Variants in TOX observed in about 807,000 individuals in gnomAD.
The protein encoded by TOX is thymocyte selection-associated high mobility group box protein TOX.
A neutral mutation model predicts 53.7 loss-of-function variants in TOX; 11 were observed. That is an observed-to-expected ratio of 0.20 (90% confidence interval 0.13 to 0.34). The LOEUF is 0.34. Among genes scored for constraint, TOX ranks in the 10% least tolerant of loss-of-function variants. TOX has a pLI of 1.00. For synonymous variants in TOX, 225 were observed against 245.3 expected (o/e 0.92, Z 0.77); for missense variants, 570 against 664.6 (o/e 0.86, Z 1.56).
intron 3 of TOX, among the ~76,000 whole-genome samples, chr8:58,879,313 T>C (rs1811343857): frequency 1.3e-5 from 2 of 152,186 alleles, no homozygotes; most frequent in Admixed American, 1.3e-4. Flanking sequence ...CCATGATGGC[T>C]AAAACGGAAT....
intron 1 of TOX, among the ~76,000 whole-genome samples, chr8:59,021,900 C>A (rs576013444): frequency 1.3e-5 from 2 of 152,190 alleles, no homozygotes; most frequent in East Asian, 3.9e-4. Context: ...GGATCTATAA[C>A]AGAAGAGAAA....
intron 3 of TOX, among the ~76,000 whole-genome samples, chr8:58,927,148 T>C (rs757224706): frequency 7.2e-5 from 11 of 152,182 alleles, no homozygotes; most frequent in African/African-American, 1.2e-4. Context: ...CCTTCTTTCA[T>C]TGAAATGTAG....
chr8:58,870,697 G>C (rs900030020), intron 3 of TOX, among the ~76,000 whole-genome samples: 2 of 151,690 alleles, frequency 1.3e-5, no homozygotes, highest in Non-Finnish European at 2.9e-5. Flanking sequence ...TAGATCAATG[G>C]AACAGAATAG....
Position 58,832,128 on chromosome 8 carries a change from GTAATATATA to G in TOX, c.925-5235_925-5227del, listed in dbSNP as rs1396898456. Among the ~76,000 whole-genome samples, 9 of 146,674 alleles carry G rather than the reference GTAATATATA, an allele frequency of 6.1e-5. No homozygotes were observed. The East Asian group carries it at 1.6e-3, about 25-fold the overall frequency. ...GTATATGTGGATATATATAATATAT[GTAATATATA>G]TAATATATGTAATATATAATATATG... is the stretch of plus-strand genomic sequence containing the variant. On this transcript the variant is annotated intron_variant, in intron 5 of 8. Coordinates refer to ENST00000361421, the MANE Select transcript of TOX (RefSeq NM_014729.3).
intron 1 of TOX, among the ~76,000 whole-genome samples, chr8:59,080,146 C>T (rs531382527): frequency 6.6e-6 from 1 of 152,066 alleles, no homozygotes; most frequent in Non-Finnish European, 1.5e-5. Flanking sequence ...CCATGCCTGG[C>T]TGATTTTTGT....
chr8:58,837,088 A>T (rs1038786292), intron 5 of TOX, among the ~76,000 whole-genome samples: 6 of 152,158 alleles, frequency 3.9e-5, no homozygotes, highest in Non-Finnish European at 7.3e-5. Flanking sequence ...TATATAATAT[A>T]AACACAATAT....
intron 1 of TOX, among the ~76,000 whole-genome samples, chr8:59,102,519 G>A (rs757740838): frequency 6.6e-6 from 1 of 152,040 alleles, no homozygotes; most frequent in Non-Finnish European, 1.5e-5. Flanking sequence ...GTGAGCCATT[G>A]TGCCCAGTCG....
chr8:59,072,998 A>C (rs1041283691), intron 1 of TOX, among the ~76,000 whole-genome samples: 1 of 152,162 alleles, frequency 6.6e-6, no homozygotes, highest in Non-Finnish European at 1.5e-5. Flanking sequence ...GCTACTTAAA[A>C]ATAATTTTAC....
At chr8:58,914,849 C>T (rs1005252351) in intron 3 of TOX, among the ~76,000 whole-genome samples, 2 of 151,678 alleles carry the variant, frequency 1.3e-5, no homozygotes, top group East Asian at 2.0e-4. Flanking sequence ...GTGCGCGCAC[C>T]GTGCGCGAGC....
chr8:59,056,676 A>G (rs564067484), intron 1 of TOX, among the ~76,000 whole-genome samples: 2 of 152,306 alleles, frequency 1.3e-5, no homozygotes, highest in Admixed American at 6.5e-5. Flanking sequence ...AATGCACATC[A>G]ATGCAGAAAT....
At chr8:58,970,576 G>C (rs2129179595) in intron 1 of TOX, among the ~76,000 whole-genome samples, 1 of 152,280 alleles carries the variant, frequency 6.6e-6, no homozygotes, top group South Asian at 2.1e-4. Flanking sequence ...GGATGATTGA[G>C]GTGCCTTCTC....
intron 1 of TOX, among the ~76,000 whole-genome samples, chr8:59,106,509 A>G (rs1480965641): frequency 6.6e-6 from 1 of 152,198 alleles, no homozygotes; most frequent in Admixed American, 6.5e-5. Flanking sequence ...CAGGGAACAC[A>G]AGTGTTTCAC....
intron 3 of TOX, among the ~76,000 whole-genome samples, chr8:58,873,004 C>A (rs2594957): frequency 0.47 from 71,123 of 151,904 alleles, 17,399 homozygotes; most frequent in African/African-American, 0.61. Flanking sequence ...TTTTAAATCT[C>A]AAACTTCTCT....
At chr8:58,978,744 C>A (rs1389176426) in intron 1 of TOX, among the ~76,000 whole-genome samples, 2 of 152,168 alleles carry the variant, frequency 1.3e-5, no homozygotes, top group East Asian at 3.9e-4. Flanking sequence ...ATCATTATCA[C>A]CCACAGTCTG....
intron 3 of TOX, among the ~76,000 whole-genome samples, chr8:58,891,730 A>G (rs1811564046): frequency 1.3e-5 from 2 of 152,230 alleles, no homozygotes; most frequent in African/African-American, 4.8e-5. Flanking sequence ...GAGCGCTTAG[A>G]GAGACTGGAG....
At chr8:58,988,056 C>A (rs1192470667) in intron 1 of TOX, among the ~76,000 whole-genome samples, 5 of 152,138 alleles carry the variant, frequency 3.3e-5, no homozygotes, top group African/African-American at 1.2e-4. Context: ...TTAATAACAG[C>A]AGGTAAATGC....
chr8:58,946,198 C>G (rs541160265), intron 2 of TOX, among the ~76,000 whole-genome samples: 2 of 152,058 alleles, frequency 1.3e-5, no homozygotes, highest in South Asian at 4.1e-4. Context: ...CATGTTTCAT[C>G]TTCTATTATT....
intron 4 of TOX, among the ~76,000 whole-genome samples, chr8:58,838,591 CCTAA>C (rs779791356): frequency 4.4e-4 from 67 of 152,042 alleles, no homozygotes; most frequent in South Asian, 1.7e-3. Context: ...CCTTAACATT[CCTAA>C]CTTTTTCTCT....
At chr8:59,113,584 C>A (rs967014552) in intron 1 of TOX, among the ~76,000 whole-genome samples, 2 of 152,222 alleles carry the variant, frequency 1.3e-5, no homozygotes, top group East Asian at 3.9e-4. Flanking sequence ...AAGAGGGAGC[C>A]AGGCAGCCGA....
Sources: gnomAD v4.1 joint callset for allele counts (sites outside exome capture counted in the v4.1 genomes callset) on GRCh38, gnomAD v4.1.1 for gene constraint, MANE v1.5 for transcripts, NCBI Gene and HGNC (gene_info 2026-07-23, HGNC 2026-07-21) for gene names.